PRDM16: variants seen among roughly 807,000 people sequenced by gnomAD.
PRDM16 encodes histone-lysine N-methyltransferase PRDM16.
A neutral mutation model predicts 110.6 loss-of-function variants in PRDM16; 23 were observed. The ratio of observed to expected loss-of-function variants is 0.21; its 90% confidence interval spans 0.15 to 0.29. PRDM16 has a LOEUF of 0.29. Ranked by LOEUF, PRDM16 falls within the 10% of genes least tolerant of loss-of-function variation. The pLI is 1.00. For missense variants in PRDM16, 1,615 were observed against 1,794.3 expected (o/e 0.90, Z 1.81); for synonymous variants, 799 against 781.8 (o/e 1.02, Z -0.37).
At chr1:3,272,345 C>T (rs1410967208) in intron 3 of PRDM16, among the ~76,000 whole-genome samples, 3 of 152,192 alleles carry the variant, frequency 2.0e-5, no homozygotes, top group African/African-American at 7.2e-5. Flanking sequence ...TTTAGGTTCC[C>T]ATGGTCTCTG....
intron 3 of PRDM16, among the ~76,000 whole-genome samples, chr1:3,367,706 G>A (rs1385684757): frequency 6.6e-6 from 1 of 152,242 alleles, no homozygotes; most frequent in African/African-American, 2.4e-5. Flanking sequence ...AGTGGAAGGA[G>A]TGTATTTTAA....
rs1431194992 is a variant in PRDM16, at chr1:3,353,900, G to A, written c.439-31252G>A. Among the ~76,000 whole-genome samples, 1 of 152,076 alleles carries A rather than the reference G, an allele frequency of 6.6e-6. No homozygotes were observed. Among genetic ancestry groups the A allele is most frequent in the Non-Finnish European group, 1.5e-5 (1 of 67,982 alleles). ...CTAGGGGGTCTTTCTAGAAGCCAAG[G>A]GGGCCCTTGGCACACACATGTGGAT... On this transcript the variant is annotated intron_variant, in intron 3 of 16. Coordinates refer to ENST00000270722, the MANE Select transcript of PRDM16 (RefSeq NM_022114.4). This position sits in a 1 kb window ranked among gnomAD's most constrained non-coding sequence, Gnocchi z 5.4.
chr1:3,345,522 A>T (rs1274168386), intron 3 of PRDM16, among the ~76,000 whole-genome samples: 1 of 152,174 alleles, frequency 6.6e-6, no homozygotes, highest in Admixed American at 6.5e-5. Context: ...AGGTGGCAAT[A>T]ATGAGGTTCA....
intron 3 of PRDM16, among the ~76,000 whole-genome samples, chr1:3,281,898 G>A (rs1185749558): frequency 6.6e-6 from 1 of 152,208 alleles, no homozygotes; most frequent in Non-Finnish European, 1.5e-5. Context: ...GGAGACTGGA[G>A]CCCCAGTCTG....
intron 2 of PRDM16, among the ~76,000 whole-genome samples, chr1:3,222,769 G>A (rs1167823898): frequency 1.3e-5 from 2 of 152,230 alleles, no homozygotes; most frequent in Non-Finnish European, 2.9e-5. Flanking sequence ...CACTGCAGTG[G>A]ATGCAGGCTT....
intron 2 of PRDM16, among the ~76,000 whole-genome samples, chr1:3,223,826 G>C (rs975695504): frequency 1.3e-5 from 2 of 152,180 alleles, no homozygotes; most frequent in African/African-American, 4.8e-5. Context: ...GACCAGCACA[G>C]GGGTGCAGCC....
At chr1:3,277,733 G>T (rs534837926) in intron 3 of PRDM16, among the ~76,000 whole-genome samples, 3 of 150,454 alleles carry the variant, frequency 2.0e-5, no homozygotes, top group Non-Finnish European at 4.4e-5. Context: ...ACACACGCGC[G>T]CACACACGCA....
chr1:3,376,894 C>T (rs556096677), intron 3 of PRDM16, among the ~76,000 whole-genome samples: 140 of 152,184 alleles, frequency 9.2e-4, no homozygotes, highest in Non-Finnish European at 1.6e-3. Flanking sequence ...AGCACTGGGT[C>T]CCATCACCAC....
chr1:3,124,228 T>A (rs1643156656), intron 1 of PRDM16, among the ~76,000 whole-genome samples: 1 of 152,146 alleles, frequency 6.6e-6, no homozygotes, highest in Non-Finnish European at 1.5e-5. Flanking sequence ...GCCTGGGCCC[T>A]GAGCTGGAGG....
intron 3 of PRDM16, among the ~76,000 whole-genome samples, chr1:3,314,283 T>A (rs1372023663): frequency 6.6e-6 from 1 of 152,132 alleles, no homozygotes; most frequent in African/African-American, 2.4e-5. Context: ...TGCATCACTC[T>A]GGGTGGCTCC....
intron 2 of PRDM16, among the ~76,000 whole-genome samples, chr1:3,233,221 G>A (rs775590772): frequency 2.0e-5 from 3 of 152,172 alleles, no homozygotes; most frequent in Admixed American, 6.5e-5. Flanking sequence ...GCCGGTGGCC[G>A]CGCGGTGCCT....
chr1:3,206,892 AAGG>A lies in PRDM16; in HGVS notation c.387+20425_387+20427del, dbSNP rs1229765712. 1.3e-5 allele frequency: 2 copies of A among 152,478 alleles called. No homozygotes were observed. Among genetic ancestry groups the A allele is most frequent in the African/African-American group, 4.8e-5 (2 of 41,420 alleles). The allele number at this position is 152,478 out of a possible 1,614,324, so 9.4% of individuals were successfully genotyped here. ...AGCTGGGTGGAGTAGAAAGGGATGAAAGGAGGAGGGGCGGTCGGCCCAGGAAGC... is the reference window on the plus strand; with the variant it reads ...AGCTGGGTGGAGTAGAAAGGGATGAAAGGAGGGGCGGTCGGCCCAGGAAGC... On this transcript the variant is annotated intron_variant, in intron 2 of 16. Coordinates refer to ENST00000270722, the MANE Select transcript of PRDM16 (RefSeq NM_022114.4). This position sits in a 1 kb window ranked among gnomAD's most constrained non-coding sequence, Gnocchi z 4.9.
intron 2 of PRDM16, among the ~76,000 whole-genome samples, chr1:3,221,358 A>T (rs762675517): frequency 5.9e-5 from 9 of 152,214 alleles, no homozygotes; most frequent in Non-Finnish European, 1.2e-4. Context: ...CGTAACAGAG[A>T]CAATCAAACC....
In PRDM16 at chr1:3,297,418, G is replaced by A. The variant is rs905029911; in HGVS notation, c.438+53281G>A. Among the ~76,000 whole-genome samples, 7 of 151,982 alleles carry A rather than the reference G, an allele frequency of 4.6e-5. No homozygotes were observed. In the East Asian group the frequency reaches 9.7e-4, roughly 21 times the overall value. The stretch of plus-strand genomic sequence containing the variant: ...CCTACCTTAGCCTCCTGAGTAGCTG[G>A]GACCTCAGGTGCCAGCCACCACACA... On this transcript the variant is annotated intron_variant, in intron 3 of 16. Coordinates refer to ENST00000270722, the MANE Select transcript of PRDM16 (RefSeq NM_022114.4).
chr1:3,121,584 C>T (rs1178083083), intron 1 of PRDM16, among the ~76,000 whole-genome samples: 1 of 152,212 alleles, frequency 6.6e-6, no homozygotes, highest in Non-Finnish European at 1.5e-5. Flanking sequence ...CCTGGAAGTG[C>T]GGGGCAAAGG....
chr1:3,226,037 C>T (rs372400403), intron 2 of PRDM16, among the ~76,000 whole-genome samples: 3 of 152,384 alleles, frequency 2.0e-5, no homozygotes, highest in African/African-American at 4.8e-5. Context: ...GCCTTGGCCT[C>T]GACCTCGCCC....
At chr1:3,228,737 G>A (rs1042051045) in intron 2 of PRDM16, among the ~76,000 whole-genome samples, 1 of 152,208 alleles carries the variant, frequency 6.6e-6, no homozygotes, top group Non-Finnish European at 1.5e-5. Context: ...CTGCAGGTGA[G>A]ACCCTCTGTC....
At chr1:3,404,043 TAC>T (rs1237616478) in intron 6 of PRDM16, among the ~76,000 whole-genome samples, 15 of 152,228 alleles carry the variant, frequency 9.9e-5, no homozygotes, top group Non-Finnish European at 1.9e-4. Context: ...GGGGAAAAGA[TAC>T]AGTCTCCTGA....
At chr1:3,193,885 G>A (rs1020259303) in intron 2 of PRDM16, among the ~76,000 whole-genome samples, 12 of 152,176 alleles carry the variant, frequency 7.9e-5, no homozygotes, top group Admixed American at 3.3e-4. Context: ...AAATACAGGT[G>A]TCAGGCCTGC....
Sources: allele counts gnomAD v4.1 joint callset (sites outside exome capture counted in the v4.1 genomes callset), GRCh38; gene constraint gnomAD v4.1.1; non-coding constraint Gnocchi (gnomAD v3.1); transcripts MANE v1.5; gene names NCBI Gene and HGNC (gene_info 2026-07-23, HGNC 2026-07-21).